Variants in PCMTD2 observed in about 807,000 individuals in gnomAD.
PCMTD2 encodes the protein protein-L-isoaspartate O-methyltransferase domain-containing protein 2.
PCMTD2 carries 16 observed loss-of-function variants against 33.4 expected under a neutral mutation model. The ratio of observed to expected loss-of-function variants is 0.48; its 90% confidence interval spans 0.32 to 0.73. The LOEUF is 0.73. PCMTD2 is among the 30% of genes least tolerant of loss of function. PCMTD2 has a pLI of 0.03. For synonymous variants in PCMTD2, 161 were observed against 160.8 expected, an observed-to-expected ratio of 1.00 and a Z score of -0.01; for missense variants, 374 against 449.9, an observed-to-expected ratio of 0.83 and a Z score of 1.53.
intron 5 of PCMTD2, chr20:64,272,057 C>G (rs1300624865): frequency 2.6e-6 from 1 of 382,994 alleles, no homozygotes; most frequent in Non-Finnish European, 5.2e-6. Context: ...AGTGCCGGAG[C>G]CTGTCCTGGA....
rs779457447 is a variant in PCMTD2 at position 64,260,148 on chromosome 20, T to C, written c.183T>C (p.Ile61=). 4 of 1,613,484 alleles carry C rather than the reference T, an allele frequency of 2.5e-6. No individual in the cohort carries two copies. The Admixed American group carries it at 6.7e-5, about 27-fold the overall frequency. ...ACTTGGCATGGAAGCATGGAAACATTCACCTCTCAGCCCCGTGCATCTACT... is the reference window on the plus strand; with the variant it reads ...ACTTGGCATGGAAGCATGGAAACATCCACCTCTCAGCCCCGTGCATCTACT... ...YKDLAWKHGN[I]HLSAPCIYSE... is the part of the protein sequence containing the mutation. Residue 61 remains isoleucine (I), a synonymous_variant, in exon 2 of 6, where the codon ATT becomes ATC. Coordinates refer to ENST00000308824, the MANE Select transcript of PCMTD2 (RefSeq NM_018257.3).
At chr20:64,256,399 CTTTGTTTTGTT>C (rs1985169959) in intron 1 of PCMTD2, among the ~76,000 whole-genome samples, 1 of 152,088 alleles carries the variant, frequency 6.6e-6, no homozygotes, top group Non-Finnish European at 1.5e-5. Flanking sequence ...AGCTTCGGGC[CTTTGTTTTGTT>C]TTTGTGAGAG....
intron 5 of PCMTD2, chr20:64,272,176 G>T (rs1269311400): frequency 5.5e-6 from 2 of 366,968 alleles, no homozygotes; most frequent in East Asian, 7.0e-5. Context: ...CCTGTTTGAG[G>T]GTTTCTGAAG....
intron 5 of PCMTD2, 140 bp downstream of exon 5, chr20:64,268,150 C>CCTTTCTGACTTCGGT: frequency 1.7e-6 from 1 of 574,096 alleles, no homozygotes; most frequent in Non-Finnish European, 3.0e-6. Flanking sequence ...ATTCTACAAG[C>CCTTTCTGACTTCGGT]AATTTCAGGC....
In PCMTD2 at chr20:64,273,205, C is replaced by T; in HGVS notation, c.707-16C>T. ...CTCCGATGCATTTGACTGTGTCTCA[C>T]TCTTCTGTGCTGCAGCACCAGTGGC... On this transcript the variant is annotated splice_polypyrimidine_tract_variant and intron_variant, in intron 5 of 5. Transcript: ENST00000308824. The T allele has an allele frequency of 6.2e-7, 1 of 1,604,892 alleles. No homozygotes were observed. The highest frequency in any genetic ancestry group is 1.3e-5 in the African/African-American group (1 of 74,580).
chr20:64,267,958 T>C lies in PCMTD2; in HGVS notation c.654T>C (p.Pro218=). 2 of 1,613,588 alleles carry C rather than the reference T, an allele frequency of 1.2e-6. No homozygotes were observed. Among genetic ancestry groups the C allele is most frequent in the Non-Finnish European group, 1.7e-6 (2 of 1,179,514 alleles). The change falls in exon 5 of 6, where the codon CCT becomes CCC. Residue 218 remains proline (P), a synonymous_variant. Coordinates refer to ENST00000308824, the MANE Select transcript of PCMTD2 (RefSeq NM_018257.3). ...AGATTCTTGCTGTTTCTTTTGCTCC[T>C]CTGATCCAGCCCTGCCATTCAGAGT... ...TKKILAVSFA[P]LIQPCHSESG...
chr20:64,259,885 ATTG>A lies in PCMTD2; in HGVS notation c.-24-54_-24-52del, dbSNP rs915485661. 2.2e-5 allele frequency: 18 copies of A among 833,458 alleles called. No homozygotes were observed. In the African/African-American group the frequency reaches 3.1e-4, roughly 14 times the overall value. The allele number at this position is 833,458 out of a possible 1,614,324, so 51.6% of individuals were successfully genotyped here. On this transcript the variant is annotated intron_variant, in intron 1 of 5. Transcript: ENST00000308824. The stretch of plus-strand genomic sequence containing the variant: ...AAATTGGTATCTGTTTAGAACTTCT[ATTG>A]TTCTGCTCTTACCTTTAACATAAAT...
At position 64,273,385 on chromosome 20, in the gene PCMTD2, G is replaced by A. The variant is rs1266162596; in HGVS notation, c.871G>A (p.Val291Ile). The part of the protein sequence containing the change: ...RVRRRRMETI[V>I]FLDKEVFASR... ...TCGCCGCCGTCGAATGGAAACGATT[G>A]TCTTTTTGGACAAAGAAGTCTTTGC... The change falls in exon 6 of 6, where the codon GTC (valine) becomes ATC (isoleucine). Residue 291 changes from valine (V) to isoleucine (I), a missense_variant. By Grantham distance (29) the Val-to-Ile change is conservative. Coordinates refer to ENST00000308824, the MANE Select transcript of PCMTD2 (RefSeq NM_018257.3). 1.9e-6 allele frequency: 3 copies of A among 1,614,176 alleles called. No homozygotes were observed. The highest frequency in any genetic ancestry group is 1.3e-5 in the African/African-American group (1 of 75,056).
chr20:64,263,411 A>G lies in PCMTD2; in HGVS notation c.308-1018A>G, dbSNP rs142927226. On this transcript the variant is annotated intron_variant, in intron 2 of 5. Coordinates refer to ENST00000308824, the MANE Select transcript of PCMTD2 (RefSeq NM_018257.3). ...TGGCTGTTGTACTAGGAGGGCCCAC[A>G]CGGTGCAAAGGTGTGGGATGCACAG... Among the ~76,000 whole-genome samples the G allele has an allele frequency of 2.7e-4, 41 of 152,328 alleles. No individual in the cohort carries two copies. In the East Asian group the frequency reaches 6.4e-3, roughly 24 times the overall value.
chr20:64,258,129 G>T (rs570363632), intron 1 of PCMTD2, among the ~76,000 whole-genome samples: 1 of 152,204 alleles, frequency 6.6e-6, no homozygotes, highest in South Asian at 2.1e-4. Flanking sequence ...GGGTGAAGAG[G>T]TGGCTTTGAC....
At chr20:64,266,319 G>A (rs879704261) in intron 4 of PCMTD2, among the ~76,000 whole-genome samples, 5 of 152,052 alleles carry the variant, frequency 3.3e-5, no homozygotes, top group East Asian at 1.9e-4. Context: ...GTGCAGTGGC[G>A]CGATCTCAGC....
At chr20:64,270,086 GGGTCTT>G in intron 5 of PCMTD2, among the ~76,000 whole-genome samples, 1 of 148,830 alleles carries the variant, frequency 6.7e-6, no homozygotes, top group Non-Finnish European at 1.5e-5. Context: ...GCACGGTGTG[GGGTCTT>G]GAGTTCAGGC....
intron 4 of PCMTD2, among the ~76,000 whole-genome samples, chr20:64,266,849 A>G (rs547383380): frequency 1.3e-5 from 2 of 152,366 alleles, no homozygotes; most frequent in African/African-American, 2.4e-5. Context: ...AGGGGTTTAT[A>G]TAGTTTTATT....
At chr20:64,266,999 C>T (rs536761778) in intron 4 of PCMTD2, among the ~76,000 whole-genome samples, 11 of 152,208 alleles carry the variant, frequency 7.2e-5, no homozygotes, top group South Asian at 2.1e-4. Flanking sequence ...TAGTACGTGG[C>T]GACTTAATCC....
At chr20:64,271,827 G>T (rs1004998321) in intron 5 of PCMTD2, 1 of 188,458 alleles carries the variant, frequency 5.3e-6, no homozygotes, top group Non-Finnish European at 1.1e-5. Flanking sequence ...GAGATCTGGA[G>T]AGGCCGGAGC....
intron 1 of PCMTD2, chr20:64,259,692 A>T: frequency 2.1e-6 from 1 of 469,154 alleles, no homozygotes; most frequent in Non-Finnish European, 3.8e-6. Flanking sequence ...ACCCGGCCTA[A>T]ATTTGAATTT....
chr20:64,266,552 C>T (rs1234190078), intron 4 of PCMTD2, among the ~76,000 whole-genome samples: 3 of 152,268 alleles, frequency 2.0e-5, no homozygotes, highest in Admixed American at 6.5e-5. Context: ...CCACCGTGCC[C>T]GGCCTAATTT....
At position 64,260,279 on chromosome 20, in the gene PCMTD2, G is replaced by A; in HGVS notation, c.307+7G>A. On this transcript the variant is annotated splice_region_variant and intron_variant, in intron 2 of 5. Transcript: ENST00000308824. ...ATGGTGGGCCTCATTCTAGGTAAGT[G>A]TGGAAGGAGAGTCTGAAAACTCATC... 1 of 1,589,410 alleles carries A rather than the reference G, an allele frequency of 6.3e-7. No homozygotes were observed. Among genetic ancestry groups the A allele is most frequent in the Admixed American group, 1.7e-5 (1 of 59,154 alleles).
chr20:64,268,150 C>CATTTCTGACTTTGGT, intron 5 of PCMTD2, 140 bp downstream of exon 5: 1 of 574,096 alleles, frequency 1.7e-6, no homozygotes, highest in Non-Finnish European at 3.0e-6. Flanking sequence ...ATTCTACAAG[C>CATTTCTGACTTTGGT]AATTTCAGGC....
Sources: gnomAD v4.1 joint callset for allele counts (sites outside exome capture counted in the v4.1 genomes callset) on GRCh38, gnomAD v4.1.1 for gene constraint, MANE v1.5 for transcripts, NCBI Gene and HGNC (gene_info 2026-07-23, HGNC 2026-07-21) for gene names.